The following RAD51B variants were observed in gnomAD, a reference collection of about 807,000 sequenced individuals.
RAD51B encodes the protein DNA repair protein RAD51 homolog 2.
A neutral mutation model predicts 42.2 loss-of-function variants in RAD51B; 38 were observed. The observed-to-expected ratio is 0.90, with a 90% CI of 0.70 to 1.18. The LOEUF (loss-of-function observed/expected upper bound fraction) is 1.18. Among genes scored for constraint, RAD51B ranks in the 50% most tolerant of loss-of-function variants. The pLI, the probability that RAD51B is intolerant of heterozygous loss-of-function variation, is 0.00. For synonymous variants in RAD51B, 154 were observed against 145.2 expected (o/e 1.06, Z -0.43); for missense variants, 373 against 400.7 (o/e 0.93, Z 0.59).
At chr14:68,052,631 T>C (rs564671143) in intron 7 of RAD51B, among the ~76,000 whole-genome samples, 5 of 151,218 alleles carry the variant, frequency 3.3e-5, no homozygotes, top group African/African-American at 2.4e-5. Context: ...TCTTCTTCTT[T>C]TTTTTTTTGG....
At chr14:68,411,295 G>C in intron 8 of RAD51B, 129 bp from the exon 9 acceptor site, 1 of 735,326 alleles carries the variant, frequency 1.4e-6, no homozygotes, top group East Asian at 2.7e-5. Context: ...GATTCCTCAA[G>C]TTCTGTGGTA....
At chr14:67,820,315 T>G (rs542540585) in intron 1 of RAD51B, among the ~76,000 whole-genome samples, 20 of 152,222 alleles carry the variant, frequency 1.3e-4, no homozygotes, top group Non-Finnish European at 2.6e-4. Flanking sequence ...ACTAGTTACC[T>G]CAGTATCCTT....
intron 5 of RAD51B, among the ~76,000 whole-genome samples, chr14:67,874,012 G>A (rs1313725502): frequency 2.0e-5 from 3 of 151,362 alleles, no homozygotes; most frequent in Non-Finnish European, 2.9e-5. Context: ...TGGGTGCAGC[G>A]CAGCAGCATG....
chr14:68,363,067 T>C (rs1042093221), intron 8 of RAD51B, among the ~76,000 whole-genome samples: 1 of 152,198 alleles, frequency 6.6e-6, no homozygotes, highest in Non-Finnish European at 1.5e-5. Context: ...TGAACCCAGC[T>C]ACTTTCAAAT....
chr14:68,598,528 G>A (rs1891093469), downstream of RAD51B, among the ~76,000 whole-genome samples: 1 of 152,184 alleles, frequency 6.6e-6, no homozygotes, highest in African/African-American at 2.4e-5. Context: ...CCCGAATTTA[G>A]TGTGTAGCAG....
intron 10 of RAD51B, among the ~76,000 whole-genome samples, chr14:68,616,684 CCT>C (rs1420455922): frequency 1.3e-5 from 2 of 151,976 alleles, no homozygotes; most frequent in African/African-American, 2.4e-5. Flanking sequence ...ATTTGTTCTC[CCT>C]CTTTTTTCTT....
chr14:67,954,406 G>A (rs898528618), intron 7 of RAD51B, among the ~76,000 whole-genome samples: 12 of 152,090 alleles, frequency 7.9e-5, no homozygotes, highest in East Asian at 3.9e-4. Context: ...GCTGACTCTC[G>A]TGTTTGCTTT....
intron 8 of RAD51B, among the ~76,000 whole-genome samples, chr14:68,321,027 C>T (rs546588988): frequency 6.6e-6 from 1 of 152,152 alleles, no homozygotes; most frequent in Admixed American, 6.5e-5. Flanking sequence ...TTTTCTTTTC[C>T]TCTGCACTCT....
chr14:67,863,517 C>G (rs1485663810), intron 4 of RAD51B, among the ~76,000 whole-genome samples: 2 of 152,106 alleles, frequency 1.3e-5, no homozygotes, highest in African/African-American at 4.8e-5. Context: ...ATGAATCACT[C>G]CTACTTATTT....
At position 68,108,890 on chromosome 14, in the gene RAD51B, A is replaced by G. The variant is rs1042998171; in HGVS notation, c.757-182994A>G. Among the ~76,000 whole-genome samples, 3 of 152,058 alleles carry G rather than the reference A, an allele frequency of 2.0e-5. 1 individual carries two copies. The highest frequency in any genetic ancestry group is 4.1e-4 in the South Asian group (2 of 4,830). On this transcript the variant is annotated intron_variant, in intron 7 of 10. Coordinates refer to ENST00000471583, the MANE Select transcript of RAD51B (RefSeq NM_133510.4). ...TTTGTGTCTGGGTTATTGCAATTCAAGTACAATATAGTCTCAACCTTTATT... is the reference window on the plus strand; with the variant it reads ...TTTGTGTCTGGGTTATTGCAATTCAGGTACAATATAGTCTCAACCTTTATT...
At chr14:67,931,075 C>T (rs1468606612) in intron 7 of RAD51B, among the ~76,000 whole-genome samples, 1 of 152,128 alleles carries the variant, frequency 6.6e-6, no homozygotes, top group African/African-American at 2.4e-5. Context: ...AGCCTGCCAC[C>T]ACGCCTGGCT....
chr14:68,441,499 G>A (rs10130623), intron 9 of RAD51B, among the ~76,000 whole-genome samples: 15,017 of 123,138 alleles, frequency 0.12, 1,973 homozygotes, highest in African/African-American at 0.26. Context: ...CCAAGATGGC[G>A]CCACTGCACT....
intron 8 of RAD51B, among the ~76,000 whole-genome samples, chr14:68,405,965 T>A (rs2084262485): frequency 6.6e-6 from 1 of 152,144 alleles, no homozygotes; most frequent in Non-Finnish European, 1.5e-5. Context: ...AAGCAACTAA[T>A]TTCTAGAGTT....
At chr14:68,372,989 AT>A (rs1400617702) in intron 8 of RAD51B, among the ~76,000 whole-genome samples, 2 of 152,198 alleles carry the variant, frequency 1.3e-5, no homozygotes, top group African/African-American at 4.8e-5. Context: ...TAGGGTGATG[AT>A]TTACTTAGTG....
At chr14:68,338,568 A>G (rs977451640) in intron 8 of RAD51B, among the ~76,000 whole-genome samples, 2 of 152,232 alleles carry the variant, frequency 1.3e-5, no homozygotes, top group Non-Finnish European at 2.9e-5. Context: ...ACATGGCTTA[A>G]ACATGGCTGC....
At chr14:68,018,925 A>G (rs2140345182) in intron 7 of RAD51B, among the ~76,000 whole-genome samples, 1 of 152,300 alleles carries the variant, frequency 6.6e-6, no homozygotes, top group Admixed American at 6.5e-5. Flanking sequence ...TTTGGGCCTC[A>G]GACGCATCTC....
intron 10 of RAD51B, among the ~76,000 whole-genome samples, chr14:68,473,804 C>T (rs1882311102): frequency 6.6e-6 from 1 of 152,120 alleles, no homozygotes; most frequent in Non-Finnish European, 1.5e-5. Context: ...CACATTCCTC[C>T]ACAAAAGTGG....
chr14:68,223,065 C>T (rs2140967185), intron 7 of RAD51B, among the ~76,000 whole-genome samples: 1 of 152,320 alleles, frequency 6.6e-6, no homozygotes, highest in African/African-American at 2.4e-5. Flanking sequence ...CATGTCTGAA[C>T]TGTTAGTATT....
At chr14:67,872,915 T>G (rs1420070177) in intron 5 of RAD51B, among the ~76,000 whole-genome samples, 1 of 152,216 alleles carries the variant, frequency 6.6e-6, no homozygotes, top group Admixed American at 6.5e-5. Flanking sequence ...GATGCCTTCC[T>G]TACACCTTAT....
Sources: gnomAD v4.1 joint callset for allele counts (sites outside exome capture counted in the v4.1 genomes callset) on GRCh38, gnomAD v4.1.1 for gene constraint, MANE v1.5 for transcripts, NCBI Gene and HGNC (gene_info 2026-07-23, HGNC 2026-07-21) for gene names.